RASGRF2: variants seen among roughly 807,000 people sequenced by gnomAD.
RASGRF2 encodes the protein Ras protein specific guanine nucleotide releasing factor 2.
In RASGRF2, 76 loss-of-function variants were observed where a neutral mutation model predicts 151.0. The ratio of observed to expected loss-of-function variants is 0.50; its 90% CI spans 0.42 to 0.61. The LOEUF (loss-of-function observed/expected upper bound fraction) is 0.61. Ranked by LOEUF, RASGRF2 falls within the 20% of genes least tolerant of loss-of-function variation. The pLI, the probability that RASGRF2 is intolerant of heterozygous loss-of-function variation, is 0.00. For synonymous variants in RASGRF2, 504 were observed against 566.5 expected (o/e 0.89, Z 1.57); for missense variants, 1,148 against 1,564.6 (o/e 0.73, Z 4.49).
chr5:81,092,698 C>T (rs886358241), intron 9 of RASGRF2, 103 bp from the exon 10 acceptor site: 1 of 1,051,734 alleles, frequency 9.5e-7, no homozygotes, highest in Non-Finnish European at 1.4e-6. Context: ...TAAATCAATC[C>T]CTGGTATTTT....
rs535018055 is a variant in RASGRF2, at chr5:81,005,855, A to G, written c.289-37022A>G. Among the ~76,000 whole-genome samples, 3 of 152,250 alleles carry G rather than the reference A, an allele frequency of 2.0e-5. No individual in the cohort carries two copies. The South Asian group carries it at 6.2e-4, about 32-fold the overall frequency. On this transcript the variant is annotated intron_variant, in intron 1 of 26. Transcript: ENST00000265080. Reference sequence around the variant, plus strand: ...GAGGTGGGCTCTGTCTGTGATAGAGAGGGCATTAAGTCAGAGGTAGGAATT... The same window carrying G: ...GAGGTGGGCTCTGTCTGTGATAGAGGGGGCATTAAGTCAGAGGTAGGAATT...
intron 1 of RASGRF2, among the ~76,000 whole-genome samples, chr5:81,029,016 C>T (rs376215711): frequency 7.3e-4 from 111 of 152,338 alleles, no homozygotes; most frequent in African/African-American, 2.5e-3. Flanking sequence ...ACGCCTGGCT[C>T]GGAGGGTCCC....
At position 80,960,747 on chromosome 5, in the gene RASGRF2, G is replaced by A. The variant is rs1747518319; in HGVS notation, c.9G>A (p.Lys3=). ...CCCTCCGCACCCGCACCATGCAGAA[G>A]AGCGTGCGCTACAACGAGGGGCACG... MQ[K]SVRYNEGHAL... is the part of the protein sequence containing the mutation. Residue 3 remains lysine (K), a synonymous_variant, in exon 1 of 27, where the codon AAG becomes AAA. Coordinates refer to ENST00000265080, the MANE Select transcript of RASGRF2 (RefSeq NM_006909.3). This position sits in a 1 kb window ranked among gnomAD's most constrained non-coding sequence, Gnocchi z 5.5. 1.3e-6 allele frequency: 2 copies of A among 1,592,456 alleles called. No individual in the cohort carries two copies. The highest frequency in any genetic ancestry group is 1.7e-6 in the Non-Finnish European group (2 of 1,167,280).
chr5:80,994,349 G>C lies in RASGRF2; in HGVS notation c.288+33323G>C, dbSNP rs1008452195. ...CCACTGCACTCCAGCCTGGGCGACA[G>C]AGCGACACTCTGTCTCAAAAAAAAA... is the stretch of plus-strand genomic sequence containing the variant. On this transcript the variant is annotated intron_variant, in intron 1 of 26. Coordinates refer to ENST00000265080, the MANE Select transcript of RASGRF2 (RefSeq NM_006909.3). Among the ~76,000 whole-genome samples, 4 of 128,026 alleles carry C rather than the reference G, an allele frequency of 3.1e-5. No individual in the cohort carries two copies. In the Admixed American group the frequency reaches 3.5e-4, roughly 11 times the overall value. The allele number at this position is 128,026 out of a possible 152,430, so 84.0% of individuals were successfully genotyped here. A position where few individuals can be genotyped will look rare whatever the true frequency, so the allele number is the denominator to read the frequency against.
chr5:81,097,457 C>A (rs1752579550), intron 12 of RASGRF2, among the ~76,000 whole-genome samples: 1 of 152,118 alleles, frequency 6.6e-6, no homozygotes, highest in Non-Finnish European at 1.5e-5. Flanking sequence ...TTTGTAACTT[C>A]CATTCTAATT....
At position 81,206,874 on chromosome 5, in the gene RASGRF2, T is replaced by G. The variant is rs766351482; in HGVS notation, c.2936T>G (p.Ile979Ser). Residue 979 changes from isoleucine to serine, a missense_variant, in exon 20 of 27, where the codon ATC becomes AGC. By Grantham distance (142) the Ile-to-Ser change is moderately radical. Coordinates refer to ENST00000265080, the MANE Select transcript of RASGRF2 (RefSeq NM_006909.3). The part of the protein sequence containing the change: ...RALSQDDQDD[I>S]HLKLEDIIQM... ...CTTTCACAAGATGACCAAGATGACA[T>G]CCACCTAAAATTAGAGGATATAATT... The G allele has an allele frequency of 9.9e-6, 16 of 1,610,908 alleles. No individual in the cohort carries two copies. The highest frequency in any genetic ancestry group is 7.6e-6 in the Non-Finnish European group (9 of 1,177,132).
chr5:81,204,871 T>C (rs980710351), intron 19 of RASGRF2, among the ~76,000 whole-genome samples: 1 of 152,138 alleles, frequency 6.6e-6, no homozygotes, highest in Non-Finnish European at 1.5e-5. Context: ...AAGAGGAACA[T>C]TTGATGGGAG....
At chr5:80,978,372 A>G (rs1407587667) in intron 1 of RASGRF2, among the ~76,000 whole-genome samples, 3 of 152,228 alleles carry the variant, frequency 2.0e-5, no homozygotes, top group Admixed American at 6.5e-5. Flanking sequence ...AGAGAACTAT[A>G]TGAGAAAACT....
intron 19 of RASGRF2, among the ~76,000 whole-genome samples, chr5:81,205,244 G>A (rs1437098872): frequency 1.3e-5 from 2 of 152,226 alleles, no homozygotes; most frequent in Non-Finnish European, 2.9e-5. Flanking sequence ...AGACAGCCGA[G>A]GGAAGGGAGT....
intron 1 of RASGRF2, among the ~76,000 whole-genome samples, chr5:81,017,199 C>A (rs1031288660): frequency 6.6e-6 from 1 of 152,318 alleles, no homozygotes; most frequent in South Asian, 2.1e-4. Flanking sequence ...TCTGGCAGTT[C>A]CACTATTACA....
chr5:81,064,458 A>G (rs1344482555), intron 2 of RASGRF2, among the ~76,000 whole-genome samples: 1 of 152,194 alleles, frequency 6.6e-6, no homozygotes, highest in African/African-American at 2.4e-5. Context: ...TCCAGCTCAC[A>G]CTCAAAAGGA....
At chr5:81,195,267 G>A (rs1003003037) in intron 18 of RASGRF2, among the ~76,000 whole-genome samples, 31 of 152,186 alleles carry the variant, frequency 2.0e-4, no homozygotes, top group African/African-American at 5.8e-4. Flanking sequence ...CCGAGAAGGC[G>A]CTCGGGTACG....
intron 1 of RASGRF2, among the ~76,000 whole-genome samples, chr5:81,017,653 A>G (rs1171086662): frequency 1.3e-5 from 2 of 152,216 alleles, no homozygotes; most frequent in Non-Finnish European, 2.9e-5. Flanking sequence ...GACTCTATAA[A>G]TGAGTTGGAA....
intron 17 of RASGRF2, among the ~76,000 whole-genome samples, chr5:81,153,913 A>G (rs1365296333): frequency 6.6e-6 from 1 of 150,860 alleles, no homozygotes; most frequent in Non-Finnish European, 1.5e-5. Flanking sequence ...GAGTGGCTCT[A>G]CTGATAAAAT....
chr5:81,128,647 T>G (rs40047), intron 17 of RASGRF2, among the ~76,000 whole-genome samples: 151,649 of 152,298 alleles, frequency 1, 75,503 homozygotes, highest in Middle Eastern at 1. Flanking sequence ...AGCCGAGCGG[T>G]GCAGCTATTG....
chr5:81,092,958 C>T lies in RASGRF2; in HGVS notation c.1548C>T (p.Leu516=). 1 of 1,609,352 alleles carries T rather than the reference C, an allele frequency of 6.2e-7. No homozygotes were observed. Among genetic ancestry groups the T allele is most frequent in the South Asian group, 1.1e-5 (1 of 90,226 alleles). The part of the protein sequence containing the change: ...TRSSGGKLHL[L]KTGGVLSLID... The stretch of plus-strand genomic sequence containing the variant: ...GTTCAGGAGGGAAGCTTCATCTGCT[C>T]AAGGTACTGGTTTTCCATAACTGTT... The change falls in exon 10 of 27, where the codon CTC becomes CTT. Residue 516 remains leucine (L), a synonymous_variant. Coordinates refer to ENST00000265080, the MANE Select transcript of RASGRF2 (RefSeq NM_006909.3).
rs368502329 is a variant in RASGRF2 at position 81,115,594 on chromosome 5, CTCTT to C, written c.2470+1678_2470+1681del. ...AAATCTGGAGATAAGTCGGGATTCT[CTCTT>C]TCTCTCTTTTTATTTTGTTTTATTT... On this transcript the variant is annotated intron_variant, in intron 15 of 26. Coordinates refer to ENST00000265080, the MANE Select transcript of RASGRF2 (RefSeq NM_006909.3). 5.6e-4 allele frequency among the ~76,000 whole-genome samples: 85 copies of C among 152,290 alleles called. 1 individual carries two copies. The East Asian group carries it at 0.012, about 21-fold the overall frequency.
chr5:81,042,695 A>G (rs1401850613), intron 1 of RASGRF2, among the ~76,000 whole-genome samples, 182 bp from the exon 2 acceptor site: 1 of 152,202 alleles, frequency 6.6e-6, no homozygotes, highest in Admixed American at 6.5e-5. Context: ...AGTCTGTGGT[A>G]TCTTCTAGGT....
chr5:81,125,188 A>C (rs927414015), intron 16 of RASGRF2, among the ~76,000 whole-genome samples: 1 of 152,142 alleles, frequency 6.6e-6, no homozygotes, highest in Admixed American at 6.6e-5. Context: ...CGCCCAGCCT[A>C]TAAAGGCATT....
Sources: allele counts gnomAD v4.1 joint callset (sites outside exome capture counted in the v4.1 genomes callset), GRCh38; gene constraint gnomAD v4.1.1; non-coding constraint Gnocchi (gnomAD v3.1); transcripts MANE v1.5; gene names NCBI Gene and HGNC (gene_info 2026-07-23, HGNC 2026-07-21).